Variants in DNM3 observed in about 807,000 individuals in gnomAD.
The protein encoded by DNM3 is dynamin-3.
In DNM3, 47 loss-of-function variants were observed where a neutral mutation model predicts 101.6. That is an observed-to-expected ratio of 0.46 (90% CI 0.37 to 0.59). The LOEUF (loss-of-function observed/expected upper bound fraction) is 0.59, where lower values mean the gene tolerates loss of function less well. Ranked by LOEUF, DNM3 falls within the 20% of genes least tolerant of loss-of-function variation. DNM3 has a pLI of 0.00. For synonymous variants in DNM3, 385 were observed against 387.9 expected (o/e 0.99, Z 0.09); for missense variants, 849 against 1,085.7 (o/e 0.78, Z 3.06).
At chr1:172,286,199 C>T (rs371040418) in intron 15 of DNM3, among the ~76,000 whole-genome samples, 2 of 151,960 alleles carry the variant, frequency 1.3e-5, no homozygotes, top group South Asian at 2.1e-4. Context: ...AGCAATTTTT[C>T]CTGTCATGTG....
At position 171,917,612 on chromosome 1, in the gene DNM3, C is replaced by A. The variant is rs193088708; in HGVS notation, c.162-4136C>A. Among the ~76,000 whole-genome samples the A allele has an allele frequency of 7.4e-4, 113 of 152,238 alleles. 1 individual carries two copies. Among genetic ancestry groups the A allele is most frequent in the Non-Finnish European group, 6.6e-4 (45 of 68,016 alleles). The stretch of plus-strand genomic sequence containing the variant: ...CTGTCATGTGGCATCCAGAGGGAAG[C>A]ACTCTCTCTGACTGAAAATCTGTAC... On this transcript the variant is annotated intron_variant, in intron 1 of 20. Transcript: ENST00000627582.
rs774314240 is a variant in DNM3 at position 172,229,911 on chromosome 1, C to T, written c.1660-23662C>T. Among the ~76,000 whole-genome samples the T allele has an allele frequency of 1.5e-4, 23 of 152,236 alleles. No individual in the cohort carries two copies. In the South Asian group the frequency reaches 2.1e-3, roughly 14 times the overall value. On this transcript the variant is annotated intron_variant, in intron 14 of 20. Coordinates refer to ENST00000627582, the MANE Select transcript of DNM3 (RefSeq NM_015569.5). Reference sequence around the variant, plus strand: ...CACCCTGTTCTCTTCTTCTGCTGGTCTTTGCTAGGACAGTGTATTGACATA... The same window carrying T: ...CACCCTGTTCTCTTCTTCTGCTGGTTTTTGCTAGGACAGTGTATTGACATA...
At chr1:172,370,010 AT>A (rs1168253262) in intron 17 of DNM3, among the ~76,000 whole-genome samples, 3 of 151,884 alleles carry the variant, frequency 2.0e-5, no homozygotes, top group African/African-American at 7.2e-5. Flanking sequence ...GCCCACCCTA[AT>A]GAAACCATTT....
At chr1:172,401,895 C>A (rs565890450) in intron 20 of DNM3, among the ~76,000 whole-genome samples, 1 of 152,232 alleles carries the variant, frequency 6.6e-6, no homozygotes, top group South Asian at 2.1e-4. Context: ...AAATACATCG[C>A]TGAAATTTAA....
In DNM3 at chr1:172,331,305, T is replaced by A. The variant is rs1035505947; in HGVS notation, c.1893+7965T>A. ...CCTAATTTCTGGCTCTTGATTTTTC[T>A]GCTGTTTTAAAAATCTCATTGAGGT... is the stretch of plus-strand genomic sequence containing the variant. On this transcript the variant is annotated intron_variant, in intron 17 of 20. Transcript: ENST00000627582. Among the ~76,000 whole-genome samples, 6 of 152,204 alleles carry A rather than the reference T, an allele frequency of 3.9e-5. No homozygotes were observed. The East Asian group carries it at 1.2e-3, about 29-fold the overall frequency.
chr1:172,170,056 T>C (rs1017808716), intron 14 of DNM3, among the ~76,000 whole-genome samples: 1 of 151,904 alleles, frequency 6.6e-6, no homozygotes, highest in Non-Finnish European at 1.5e-5. Flanking sequence ...TAGAGATCTA[T>C]GCACTACAAA....
rs545982566 is a variant in DNM3 at position 172,191,238 on chromosome 1, T to G, written c.1659+59950T>G. On this transcript the variant is annotated intron_variant, in intron 14 of 20. Transcript: ENST00000627582. ...CCAGTTTCAGCTTTCTACCTATGGC[T>G]AGCCAGTTTTCACAGCACCATTTAT... 3.9e-5 allele frequency among the ~76,000 whole-genome samples: 6 copies of G among 152,350 alleles called. No homozygotes were observed. In the South Asian group the frequency reaches 1.2e-3, roughly 32 times the overall value.
chr1:172,032,539 T>C, intron 5 of DNM3, 39 bp downstream of exon 5: 3 of 1,302,130 alleles, frequency 2.3e-6, no homozygotes, highest in African/African-American at 1.8e-5. Context: ...TTTTTTTTTT[T>C]TTTTTTTTTT....
intron 1 of DNM3, among the ~76,000 whole-genome samples, chr1:171,911,657 T>C (rs1558252909): frequency 6.6e-6 from 1 of 152,140 alleles, no homozygotes; most frequent in African/African-American, 2.4e-5. Flanking sequence ...CTATCCACGC[T>C]CTTCTTTTCC....
intron 14 of DNM3, among the ~76,000 whole-genome samples, chr1:172,149,140 C>T (rs1042965604): frequency 8.5e-5 from 13 of 152,098 alleles, no homozygotes; most frequent in Middle Eastern, 3.2e-3. Flanking sequence ...CGTACATTTA[C>T]GGACGCATGT....
At chr1:172,098,217 C>T (rs562825020) in intron 13 of DNM3, among the ~76,000 whole-genome samples, 47 of 152,230 alleles carry the variant, frequency 3.1e-4, no homozygotes, top group South Asian at 2.1e-4. Context: ...TCTACAGCTT[C>T]GACCGTAAAA....
chr1:171,901,983 G>T (rs2038399892), intron 1 of DNM3, among the ~76,000 whole-genome samples: 1 of 152,022 alleles, frequency 6.6e-6, no homozygotes, highest in Admixed American at 6.5e-5. Flanking sequence ...AGAATGCCCA[G>T]GAAGCTATAT....
intron 14 of DNM3, among the ~76,000 whole-genome samples, chr1:172,134,326 G>T (rs963942051): frequency 2.0e-5 from 3 of 152,102 alleles, no homozygotes; most frequent in Admixed American, 6.6e-5. Flanking sequence ...ATTTAAGCAG[G>T]TATAATGACT....
chr1:172,314,111 A>G (rs1243227895), intron 16 of DNM3, among the ~76,000 whole-genome samples: 1 of 152,202 alleles, frequency 6.6e-6, no homozygotes, highest in East Asian at 1.9e-4. Flanking sequence ...TACTGGACAT[A>G]TACCCAAAGG....
At chr1:172,161,976 T>C (rs749825073) in intron 14 of DNM3, among the ~76,000 whole-genome samples, 1 of 152,086 alleles carries the variant, frequency 6.6e-6, no homozygotes, top group Admixed American at 6.6e-5. Flanking sequence ...TTTCTAAAAG[T>C]GTGATTCTCT....
intron 2 of DNM3, among the ~76,000 whole-genome samples, chr1:171,986,657 G>A (rs112486702): frequency 0.014 from 2,091 of 150,734 alleles, 47 homozygotes; most frequent in African/African-American, 0.047. Context: ...TTGAGATGGG[G>A]TCTCACTTTC....
intron 13 of DNM3, among the ~76,000 whole-genome samples, chr1:172,095,903 T>A (rs2054213271): frequency 6.6e-6 from 1 of 152,162 alleles, no homozygotes; most frequent in African/African-American, 2.4e-5. Context: ...TGCTCAAAAA[T>A]TTAAATTTAA....
chr1:171,852,442 C>T (rs1027442650), intron 1 of DNM3, among the ~76,000 whole-genome samples: 1 of 152,088 alleles, frequency 6.6e-6, no homozygotes, highest in African/African-American at 2.4e-5. Context: ...CACAATATGC[C>T]AGGAATTGTG....
chr1:172,303,555 G>A (rs536333898), intron 15 of DNM3, among the ~76,000 whole-genome samples: 25 of 152,172 alleles, frequency 1.6e-4, no homozygotes, highest in African/African-American at 6.0e-4. Context: ...CTTGAGAAGA[G>A]CAACCCCAAG....
Sources: gnomAD v4.1 joint callset for allele counts (sites outside exome capture counted in the v4.1 genomes callset) on GRCh38, gnomAD v4.1.1 for gene constraint, MANE v1.5 for transcripts, NCBI Gene and HGNC (gene_info 2026-07-23, HGNC 2026-07-21) for gene names.